Variants in SLC6A3 observed in about 807,000 individuals in gnomAD.
SLC6A3 encodes solute carrier family 6 member 3.
In SLC6A3, 19 loss-of-function variants were observed where a neutral mutation model predicts 70.4. The ratio of observed to expected loss-of-function variants is 0.27; its 90% confidence interval spans 0.19 to 0.40. The LOEUF is 0.40. Ranked by LOEUF, SLC6A3 falls within the 10% of genes least tolerant of loss-of-function variation. The probability of loss-of-function intolerance (pLI) is 1.00; values close to 1 mark genes in which losing one functional copy is unlikely to be tolerated. For synonymous variants in SLC6A3, 368 were observed against 356.6 expected, an observed-to-expected ratio of 1.03 and a Z score of -0.36; for missense variants, 613 against 838.5, an observed-to-expected ratio of 0.73 and a Z score of 3.32.
At chr5:1,435,651 C>T (rs1282314406) in intron 3 of SLC6A3, among the ~76,000 whole-genome samples, 2 of 152,282 alleles carry the variant, frequency 1.3e-5, no homozygotes, top group African/African-American at 4.8e-5. Context: ...ACCAGAGTCC[C>T]CCTTACCAAG....
intron 1 of SLC6A3, among the ~76,000 whole-genome samples, chr5:1,443,520 T>A (rs1246634268): frequency 6.6e-6 from 1 of 152,200 alleles, no homozygotes; most frequent in Non-Finnish European, 1.5e-5. Context: ...CCCACTCCTA[T>A]CAAAGTGCAA....
At position 1,405,875 on chromosome 5, in the gene SLC6A3, T is replaced by C. The variant is rs1470756303; in HGVS notation, c.1599+313A>G. On this transcript the variant is annotated intron_variant, in intron 12 of 14. Transcript: ENST00000270349. The surrounding 1 kb of genome is among the most constrained non-coding windows in gnomAD (Gnocchi z 5.3). ...CTTGATCCTCACAGGCAGAGGTGAG[T>C]GGACAGCCCGACTCACCTCCAGCTT... 6.6e-6 allele frequency among the ~76,000 whole-genome samples: 1 copy of C among 152,032 alleles called. No individual in the cohort carries two copies. The highest frequency in any genetic ancestry group is 2.4e-5 in the African/African-American group (1 of 41,382).
In SLC6A3 at chr5:1,413,947, C is replaced by A. The variant is rs892952388; in HGVS notation, c.1156+744G>T. On this transcript the variant is annotated intron_variant, in intron 8 of 14. Transcript: ENST00000270349. The surrounding 1 kb of genome is among the most constrained non-coding windows in gnomAD (Gnocchi z 7.1). ...GCACACTTCTTGCTGTGGCCAAGGC[C>A]TCCCCCCACCACTCACCTGTGCCTG... is the stretch of plus-strand genomic sequence containing the variant. Among the ~76,000 whole-genome samples, 9 of 152,186 alleles carry A rather than the reference C, an allele frequency of 5.9e-5. No homozygotes were observed. Among genetic ancestry groups the A allele is most frequent in the Admixed American group, 4.6e-4 (7 of 15,282 alleles).
In SLC6A3 at chr5:1,428,049, C is replaced by A. The variant is rs1257565250; in HGVS notation, c.653+4415G>T. Among the ~76,000 whole-genome samples the A allele has an allele frequency of 2.6e-5, 4 of 151,998 alleles. No homozygotes were observed. The South Asian group carries it at 8.3e-4, about 31-fold the overall frequency. On this transcript the variant is annotated intron_variant, in intron 4 of 14. Coordinates refer to ENST00000270349, the MANE Select transcript of SLC6A3 (RefSeq NM_001044.5). Reference sequence around the variant, plus strand: ...AACCAAAGACAGCAGAATACATATTCTTTCTAGGTGCATGTGGAACATTCA... The same window carrying A: ...AACCAAAGACAGCAGAATACATATTATTTCTAGGTGCATGTGGAACATTCA...
chr5:1,443,407 C>A (rs767783886), intron 1 of SLC6A3, among the ~76,000 whole-genome samples, 165 bp from the exon 2 acceptor site: 1 of 152,198 alleles, frequency 6.6e-6, no homozygotes, highest in Non-Finnish European at 1.5e-5. Flanking sequence ...AGCTGGGGCA[C>A]GGGAGCTGGG....
In SLC6A3 at chr5:1,397,479, C is replaced by T. The variant is rs760032491; in HGVS notation, c.1840-2721G>A. On this transcript the variant is annotated intron_variant, in intron 14 of 14. Coordinates refer to ENST00000270349, the MANE Select transcript of SLC6A3 (RefSeq NM_001044.5). The surrounding 1 kb of genome is among the most constrained non-coding windows in gnomAD (Gnocchi z 4.7). ...ACAAACAAAAAAGAAACCCAGGTCC[C>T]GACACTCCGCAGTGAACCCGAGACA... Among the ~76,000 whole-genome samples the T allele has an allele frequency of 5.3e-5, 8 of 152,092 alleles. No individual in the cohort carries two copies. The highest frequency in any genetic ancestry group is 1.9e-4 in the East Asian group (1 of 5,192).
At chr5:1,431,981 G>A (rs942305378) in intron 4 of SLC6A3, among the ~76,000 whole-genome samples, 10 of 152,318 alleles carry the variant, frequency 6.6e-5, no homozygotes, top group East Asian at 1.9e-4. Context: ...GACTTCTTGC[G>A]CAGTGACACC....
chr5:1,414,833 G>A lies in SLC6A3; in HGVS notation c.1032-18C>T, dbSNP rs8179028. 6.7e-4 allele frequency: 1,081 copies of A among 1,612,664 alleles called. 3 individuals are homozygous for A. Among genetic ancestry groups the A allele is most frequent in the East Asian group, 9.4e-4 (42 of 44,870 alleles). On this transcript the variant is annotated intron_variant, in intron 7 of 14. Coordinates refer to ENST00000270349, the MANE Select transcript of SLC6A3 (RefSeq NM_001044.5). Reference sequence around the variant, plus strand: ...TCGCGTCCCTGTAAGAACAAGACACGCCGTCTCAGGAACCAGCTGAGCTGC... The same window carrying A: ...TCGCGTCCCTGTAAGAACAAGACACACCGTCTCAGGAACCAGCTGAGCTGC...
At chr5:1,440,343 A>AATGGATGG (rs577017974) in intron 3 of SLC6A3, among the ~76,000 whole-genome samples, 1 of 151,622 alleles carries the variant, frequency 6.6e-6, no homozygotes, top group African/African-American at 2.4e-5. Context: ...ATCAATAGAT[A>AATGGATGG]ATGGATGGAT....
rs1755867509 is a variant in SLC6A3 at position 1,402,249 on chromosome 5, C to G, written c.1767+673G>C. On this transcript the variant is annotated intron_variant, in intron 13 of 14. Transcript: ENST00000270349. The surrounding 1 kb of genome is among the most constrained non-coding windows in gnomAD (Gnocchi z 8.5). Reference sequence around the variant, plus strand: ...GACCCTCTTCCAAGGAGGGAGTGTCCTTGTCTCTTCCTGGAACCACAGAGC... The same window carrying G: ...GACCCTCTTCCAAGGAGGGAGTGTCGTTGTCTCTTCCTGGAACCACAGAGC... 6.6e-6 allele frequency among the ~76,000 whole-genome samples: 1 copy of G among 151,908 alleles called. No homozygotes were observed. Among genetic ancestry groups the G allele is most frequent in the Non-Finnish European group, 1.5e-5 (1 of 67,974 alleles).
At chr5:1,400,330 A>G (rs916026691) in intron 14 of SLC6A3, among the ~76,000 whole-genome samples, 1 of 152,094 alleles carries the variant, frequency 6.6e-6, no homozygotes, top group Non-Finnish European at 1.5e-5. Flanking sequence ...GGGAGTAAAA[A>G]CACGTCAAGT....
rs890593912 is a variant in SLC6A3 at position 1,396,705 on chromosome 5, C to T, written c.1840-1947G>A. On this transcript the variant is annotated intron_variant, in intron 14 of 14. Transcript: ENST00000270349. The surrounding 1 kb of genome is among the most constrained non-coding windows in gnomAD (Gnocchi z 7.0). ...ACCAGAGGGAACCACCTCTGATGCC[C>T]ACACAGGGCTGGGCACGGTGCCTGT... Among the ~76,000 whole-genome samples the T allele has an allele frequency of 6.6e-6, 1 of 152,144 alleles. No homozygotes were observed. Among genetic ancestry groups the T allele is most frequent in the African/African-American group, 2.4e-5 (1 of 41,440 alleles).
At position 1,443,158 on chromosome 5, in the gene SLC6A3, C is replaced by G; in HGVS notation, c.40G>C (p.Val14Leu). Residue 14 changes from valine to leucine, a missense_variant, in exon 2 of 15, where the codon GTG becomes CTG. By Grantham distance (32) the Val-to-Leu change is conservative. Around this residue, in one of 4 missense-constraint regions of SLC6A3, gnomAD observed 111 missense variants for 91.6 expected, o/e 1.21. Coordinates refer to ENST00000270349, the MANE Select transcript of SLC6A3 (RefSeq NM_001044.5). ...TTGGGCTCCTTAGCCGGGGCCACCA[C>G]GGAAGACATGAGTCCCACGGAGCAT... The part of the protein sequence containing the change: ...SKCSVGLMSS[V>L]VAPAKEPNAV... The G allele has an allele frequency of 6.2e-7, 1 of 1,614,234 alleles. No homozygotes were observed. The highest frequency in any genetic ancestry group is 1.7e-5 in the Admixed American group (1 of 60,032).
chr5:1,417,913 G>A (rs903846958), intron 6 of SLC6A3, among the ~76,000 whole-genome samples: 10 of 152,258 alleles, frequency 6.6e-5, no homozygotes, highest in African/African-American at 2.4e-4. Context: ...ACTGAGCAAG[G>A]GAACTGGGTG....
Position 1,401,710 on chromosome 5 carries a change from C to T in SLC6A3, c.1768-724G>A, listed in dbSNP as rs893446420. On this transcript the variant is annotated intron_variant, in intron 13 of 14. Transcript: ENST00000270349. This position sits in a 1 kb window ranked among gnomAD's most constrained non-coding sequence, Gnocchi z 6.1. ...TTTGGCCATGCGAGGGGTAAGGGCG[C>T]TGGCTGTTCAGGTCCGCCGGGCTGT... Among the ~76,000 whole-genome samples, 1 of 146,534 alleles carries T rather than the reference C, an allele frequency of 6.8e-6. No individual in the cohort carries two copies. The highest frequency in any genetic ancestry group is 1.5e-5 in the Non-Finnish European group (1 of 67,986).
intron 4 of SLC6A3, among the ~76,000 whole-genome samples, chr5:1,431,675 G>C (rs1440240840): frequency 6.6e-6 from 1 of 152,016 alleles, no homozygotes; most frequent in Non-Finnish European, 1.5e-5. Flanking sequence ...GCCTGGCTGG[G>C]GTGGACTTTG....
rs1435760838 is a variant in SLC6A3 at position 1,438,329 on chromosome 5, G to C, written c.418+3030C>G. Among the ~76,000 whole-genome samples the C allele has an allele frequency of 6.6e-6, 1 of 152,260 alleles. No homozygotes were observed. The highest frequency in any genetic ancestry group is 1.5e-5 in the Non-Finnish European group (1 of 68,050). On this transcript the variant is annotated intron_variant, in intron 3 of 14. Transcript: ENST00000270349. This position sits in a 1 kb window ranked among gnomAD's most constrained non-coding sequence, Gnocchi z 6.5. ...ACTAGTCTTCAGAACGAAGCTGGCGGCATGGAATGCGGGATTGTGGGCACA... is the reference window on the plus strand; with the variant it reads ...ACTAGTCTTCAGAACGAAGCTGGCGCCATGGAATGCGGGATTGTGGGCACA...
chr5:1,416,653 C>T (rs1038774255), intron 6 of SLC6A3: 15 of 308,626 alleles, frequency 4.9e-5, no homozygotes, highest in South Asian at 1.2e-4. Context: ...ATGACCTCAG[C>T]GTCCTAATAG....
At chr5:1,443,855 T>C (rs544913719) in intron 1 of SLC6A3, among the ~76,000 whole-genome samples, 1 of 151,760 alleles carries the variant, frequency 6.6e-6, no homozygotes, top group African/African-American at 2.4e-5. Context: ...TGTGTGTTTT[T>C]TTGTTGTTGT....
Sources: gnomAD v4.1 joint callset for allele counts (sites outside exome capture counted in the v4.1 genomes callset) on GRCh38, gnomAD v4.1.1 for gene constraint, gnomAD v4.1.1 regional missense constraint, Gnocchi (gnomAD v3.1) non-coding constraint, MANE v1.5 for transcripts, NCBI Gene and HGNC (gene_info 2026-07-23, HGNC 2026-07-21) for gene names.